PTCSC3: variants seen among roughly 807,000 people sequenced by gnomAD.
The protein encoded by PTCSC3 is papillary thyroid carcinoma susceptibility candidate 3 (non-protein coding).
intron 3 of PTCSC3, among the ~76,000 whole-genome samples, chr14:36,152,739 A>G (rs1330100430): frequency 6.6e-6 from 1 of 151,460 alleles, no homozygotes; most frequent in Non-Finnish European, 1.5e-5. Context: ...ACTAAAAATA[A>G]AAAAAATAGC....
At chr14:36,139,707 T>C (rs1398875979) in intron 3 of PTCSC3, among the ~76,000 whole-genome samples, 1 of 152,202 alleles carries the variant, frequency 6.6e-6, no homozygotes, top group Non-Finnish European at 1.5e-5. Flanking sequence ...CTTAAAACTA[T>C]AGAAAAACTG....
intron 1 of PTCSC3, among the ~76,000 whole-genome samples, chr14:36,173,423 T>C (rs558818700): frequency 2.5e-4 from 38 of 152,168 alleles, no homozygotes; most frequent in Non-Finnish European, 5.3e-4. Context: ...GACTAGACTC[T>C]GAGCTGTTCA....
intron 2 of PTCSC3, among the ~76,000 whole-genome samples, chr14:36,154,583 G>C (rs1030536474): frequency 2.6e-5 from 4 of 152,166 alleles, no homozygotes; most frequent in African/African-American, 9.7e-5. Context: ...GGGTTGGGGA[G>C]AGGTAAGACA....
At chr14:36,166,930 A>T (rs1282108818) in intron 1 of PTCSC3, among the ~76,000 whole-genome samples, 2 of 152,226 alleles carry the variant, frequency 1.3e-5, no homozygotes, top group Admixed American at 1.3e-4. Flanking sequence ...GGAAAACACC[A>T]TCTGAACTTT....
exon 1 of PTCSC3, chr14:36,176,380 G>C (rs1882280275): frequency 6.6e-6 from 1 of 151,728 alleles, no homozygotes; most frequent in South Asian, 2.1e-4. Context: ...CTCTCCAGTT[G>C]ACTTTTCCAC....
At chr14:36,162,397 A>G (rs118021188) in intron 2 of PTCSC3, among the ~76,000 whole-genome samples, 3,907 of 152,136 alleles carry the variant, frequency 0.026, 148 homozygotes, top group Admixed American at 0.1. Context: ...CGGGTTGGAA[A>G]GACTATGGAA....
At chr14:36,166,369 C>T (rs529112741) in intron 1 of PTCSC3, among the ~76,000 whole-genome samples, 15 of 152,320 alleles carry the variant, frequency 9.8e-5, no homozygotes, top group East Asian at 9.7e-4. Flanking sequence ...GGCTCAACTA[C>T]GTCTGAATTT....
intron 1 of PTCSC3, among the ~76,000 whole-genome samples, chr14:36,167,023 A>G (rs1882101105): frequency 1.3e-5 from 2 of 152,304 alleles, no homozygotes; most frequent in African/African-American, 2.4e-5. Context: ...AGGCTATACC[A>G]TAATCTTTCT....
At chr14:36,171,008 A>G (rs1882182891) in intron 1 of PTCSC3, among the ~76,000 whole-genome samples, 2 of 152,288 alleles carry the variant, frequency 1.3e-5, no homozygotes, top group African/African-American at 4.8e-5. Context: ...TAATTTTTGT[A>G]GTACTTGTAT....
rs550186518 is a variant in PTCSC3 at position 36,148,040 on chromosome 14, G to C, written n.322+5764C>G. On this transcript the variant is annotated intron_variant and non_coding_transcript_variant, in intron 3 of 3. Transcript: ENST00000556013. ...CCCATTCTCAGATCTCCAGCTGCAT[G>C]CTGGGAGAACCACTGCTCTCTTCAA... Among the ~76,000 whole-genome samples, 433 of 152,292 alleles carry C rather than the reference G, an allele frequency of 2.8e-3. 1 individual carries two copies. The highest frequency in any genetic ancestry group is 5.1e-3 in the Non-Finnish European group (346 of 68,040).
chr14:36,152,077 T>C (rs1268837847), intron 3 of PTCSC3, among the ~76,000 whole-genome samples: 1 of 25,786 alleles, frequency 3.9e-5, no homozygotes, highest in African/African-American at 1.0e-4. Context: ...TGCAAACTCT[T>C]TAAAACTCTT....
chr14:36,175,441 C>T (rs1403306120), intron 1 of PTCSC3, among the ~76,000 whole-genome samples: 1 of 152,162 alleles, frequency 6.6e-6, no homozygotes, highest in African/African-American at 2.4e-5. Flanking sequence ...TTGATTTCAA[C>T]CCTACCTGAA....
intron 1 of PTCSC3, among the ~76,000 whole-genome samples, chr14:36,171,695 C>G (rs1882196697): frequency 6.6e-6 from 1 of 152,094 alleles, no homozygotes; most frequent in Admixed American, 6.6e-5. Flanking sequence ...AAATAACTAT[C>G]AAAGGCAAGC....
At chr14:36,167,106 A>G (rs1249342847) in intron 1 of PTCSC3, among the ~76,000 whole-genome samples, 1 of 152,202 alleles carries the variant, frequency 6.6e-6, no homozygotes, top group Non-Finnish European at 1.5e-5. Flanking sequence ...GGATGTTAGA[A>G]CAAGCACATT....
intron 3 of PTCSC3, among the ~76,000 whole-genome samples, chr14:36,143,168 T>C (rs1369877467): frequency 2.0e-5 from 3 of 149,338 alleles, no homozygotes; most frequent in East Asian, 2.0e-4. Flanking sequence ...TTTGGGTATA[T>C]ACCCAGTAAT....
intron 1 of PTCSC3, among the ~76,000 whole-genome samples, chr14:36,171,820 C>T (rs1882199656): frequency 6.6e-6 from 1 of 152,104 alleles, no homozygotes; most frequent in South Asian, 2.1e-4. Flanking sequence ...ATCTACTGAC[C>T]TTCTCCCTCA....
At chr14:36,155,833 A>T (rs769702907) in intron 2 of PTCSC3, among the ~76,000 whole-genome samples, 1 of 152,204 alleles carries the variant, frequency 6.6e-6, no homozygotes, top group Non-Finnish European at 1.5e-5. Context: ...TTTAATATTC[A>T]TATTGAGAAA....
At chr14:36,151,524 G>T (rs559704248) in intron 3 of PTCSC3, among the ~76,000 whole-genome samples, 1 of 151,470 alleles carries the variant, frequency 6.6e-6, no homozygotes, top group African/African-American at 2.4e-5. Context: ...TGTACCTTTT[G>T]TCTTGTCCCA....
intron 3 of PTCSC3, among the ~76,000 whole-genome samples, chr14:36,144,222 G>T (rs1881499538): frequency 1.3e-5 from 2 of 149,730 alleles, no homozygotes; most frequent in Admixed American, 1.3e-4. Context: ...TGATGGGGAT[G>T]GCGTTGAATC....
Sources: allele counts gnomAD v4.1 joint callset (sites outside exome capture counted in the v4.1 genomes callset), GRCh38; gene constraint gnomAD v4.1.1; transcripts MANE v1.5; gene names NCBI Gene and HGNC (gene_info 2026-07-23, HGNC 2026-07-21).